MMD2: variants seen among roughly 807,000 people sequenced by gnomAD.
The protein encoded by MMD2 is monocyte to macrophage differentiation factor 2.
Under a neutral mutation model 33.5 loss-of-function variants are expected in MMD2, and 30 were observed. That is an observed-to-expected ratio of 0.90 (90% CI 0.67 to 1.22). The LOEUF (loss-of-function observed/expected upper bound fraction) is 1.22. Among genes scored for constraint, MMD2 ranks in the 50% most tolerant of loss-of-function variants. MMD2 has a pLI of 0.00. For missense variants in MMD2, 364 were observed against 325.4 expected (o/e 1.12, Z -0.91); for synonymous variants, 129 against 123.0 (o/e 1.05, Z -0.32).
intron 2 of MMD2, among the ~76,000 whole-genome samples, chr7:4,924,173 C>T (rs538539289): frequency 1.3e-5 from 2 of 151,484 alleles, no homozygotes; most frequent in Non-Finnish European, 2.9e-5. Context: ...GCCTGGGGAA[C>T]AGAGCGAGAC....
rs975018087 is a variant in MMD2, at chr7:4,940,198, C to T, written c.48-14666G>A. Among the ~76,000 whole-genome samples the T allele has an allele frequency of 6.6e-6, 1 of 152,126 alleles. No individual in the cohort carries two copies. The highest frequency in any genetic ancestry group is 6.6e-5 in the Admixed American group (1 of 15,262). ...CATGTTGAGCATCCTGACCTGGGTG[C>T]AGGGTCCGGCACACCCCAGCTCCCC... On this transcript the variant is annotated intron_variant, in intron 1 of 6. Transcript: ENST00000401401. The surrounding 1 kb of genome is among the most constrained non-coding windows in gnomAD (Gnocchi z 5.0).
At chr7:4,912,642 T>C (rs1198460690) in intron 4 of MMD2, among the ~76,000 whole-genome samples, 3 of 151,860 alleles carry the variant, frequency 2.0e-5, no homozygotes, top group Non-Finnish European at 4.4e-5. Flanking sequence ...TGGAAAGGTG[T>C]AGTTAACAAT....
chr7:4,952,262 C>G (rs73328934), intron 1 of MMD2, among the ~76,000 whole-genome samples: 3,212 of 152,310 alleles, frequency 0.021, 125 homozygotes, highest in African/African-American at 0.074. Flanking sequence ...CTGAAGGATC[C>G]TAAAAGGCCC....
At chr7:4,910,659 T>A (rs4720442) in intron 5 of MMD2, among the ~76,000 whole-genome samples, 7 of 151,708 alleles carry the variant, frequency 4.6e-5, no homozygotes, top group Admixed American at 1.3e-4. Context: ...GACAGAGTCT[T>A]GCTCTGTCGC....
intron 3 of MMD2, among the ~76,000 whole-genome samples, chr7:4,917,356 T>C (rs768543939): frequency 6.6e-6 from 1 of 152,076 alleles, no homozygotes; most frequent in African/African-American, 2.4e-5. Context: ...ACATAGTAAG[T>C]GCTCAATAAA....
chr7:4,898,710 C>T, the MMD2 span, among the ~76,000 whole-genome samples: 4 of 152,232 alleles, frequency 2.6e-5, no homozygotes, highest in East Asian at 5.8e-4. Flanking sequence ...GACCAGCTGG[C>T]CAACATGGCG....
At chr7:4,927,487 G>A (rs931546511) in intron 1 of MMD2, among the ~76,000 whole-genome samples, 1 of 152,058 alleles carries the variant, frequency 6.6e-6, no homozygotes, top group Admixed American at 6.6e-5. Flanking sequence ...GTTGCAGTGA[G>A]CCAAGATCGT....
At chr7:4,945,185 T>TTTCTTCTCCTTCTTCTTCTTCTTCTTC (rs1786026006) in intron 1 of MMD2, among the ~76,000 whole-genome samples, 1 of 93,480 alleles carries the variant, frequency 1.1e-5, no homozygotes, top group South Asian at 5.2e-4. Flanking sequence ...CCTCTTCCTC[T>TTTCTTCTCCTTCTTCTTCTTCTTCTTC]TTCTTCTTCT....
In MMD2 at chr7:4,907,359, T is replaced by G; in HGVS notation, c.*37A>C. On this transcript the variant is annotated 3_prime_UTR_variant, in exon 7 of 7. Transcript: ENST00000401401. ...TAACGTTCACAGAAACGTGCTCCAC[T>G]CCTAAAGCCCAAACGACCTCTCAAG... 1 of 1,606,114 alleles carries G rather than the reference T, an allele frequency of 6.2e-7. No individual in the cohort carries two copies. The highest frequency in any genetic ancestry group is 8.5e-7 in the Non-Finnish European group (1 of 1,173,996).
At chr7:4,926,652 C>T (rs951666119) in intron 1 of MMD2, among the ~76,000 whole-genome samples, 16 of 152,308 alleles carry the variant, frequency 1.1e-4, no homozygotes, top group African/African-American at 3.8e-4. Flanking sequence ...TCCCGCAGAA[C>T]ACGCTGTTTT....
At chr7:4,898,258 T>C in the MMD2 span, among the ~76,000 whole-genome samples, 1 of 152,160 alleles carries the variant, frequency 6.6e-6, no homozygotes, top group African/African-American at 2.4e-5. Flanking sequence ...TCTTTCTCCT[T>C]ACCTGTCCCC....
chr7:4,955,027 C>T (rs1786346706), intron 1 of MMD2, among the ~76,000 whole-genome samples: 1 of 152,064 alleles, frequency 6.6e-6, no homozygotes, highest in African/African-American at 2.4e-5. Context: ...AATAAAATGC[C>T]TTTTAAAAAG....
chr7:4,906,459 T>A lies in MMD2; in HGVS notation c.*937A>T, dbSNP rs997046652. On this transcript the variant is annotated 3_prime_UTR_variant, in exon 7 of 7. Coordinates refer to ENST00000401401, the MANE Select transcript of MMD2 (RefSeq NM_198403.4). ...AAATGTTGGCATCACAAACCTTAAG[T>A]ATGGAGCAGGGAGCAAGTGCCTGGG... The A allele has an allele frequency of 4.3e-5, 17 of 398,492 alleles. No individual in the cohort carries two copies. Among genetic ancestry groups the A allele is most frequent in the South Asian group, 1.3e-4 (1 of 7,858 alleles). The allele number at this position is 398,492 out of a possible 1,614,324, so 24.7% of individuals were successfully genotyped here.
chr7:4,926,846 G>A (rs11766950), intron 1 of MMD2, among the ~76,000 whole-genome samples: 23,491 of 151,888 alleles, frequency 0.15, 2,366 homozygotes, highest in Non-Finnish European at 0.24. Context: ...CTGGGTTCAC[G>A]CCATTCTCCT....
chr7:4,937,715 C>G (rs13243238), intron 1 of MMD2, among the ~76,000 whole-genome samples: 19,509 of 151,996 alleles, frequency 0.13, 1,474 homozygotes, highest in East Asian at 0.32. Flanking sequence ...GCCATGTTGC[C>G]CAGGCTGGTC....
In MMD2 at chr7:4,930,113, C is replaced by A. The variant is rs180805301; in HGVS notation, c.48-4581G>T. 1.7e-3 allele frequency among the ~76,000 whole-genome samples: 261 copies of A among 149,398 alleles called. 1 individual carries two copies. Among genetic ancestry groups the A allele is most frequent in the African/African-American group, 5.9e-3 (239 of 40,734 alleles). ...TGAAACCCCATCTCTACTAAAAATA[C>A]AAAAAAAATAGCTGAGTGTGGTGGC... is the stretch of plus-strand genomic sequence containing the variant. On this transcript the variant is annotated intron_variant, in intron 1 of 6. Coordinates refer to ENST00000401401, the MANE Select transcript of MMD2 (RefSeq NM_198403.4).
intron 3 of MMD2, 143 bp from the exon 4 acceptor site, chr7:4,916,222 C>A (rs931702574): frequency 3.0e-6 from 2 of 663,394 alleles, no homozygotes; most frequent in African/African-American, 3.6e-5. Flanking sequence ...CCCCTTGGCC[C>A]TCAGAATCCC....
intron 1 of MMD2, among the ~76,000 whole-genome samples, chr7:4,953,397 T>C (rs1038965565): frequency 4.7e-5 from 7 of 149,714 alleles, no homozygotes; most frequent in African/African-American, 1.7e-4. Context: ...TAAAACCCAA[T>C]TCCAATTCTT....
chr7:4,917,920 G>A (rs1645472136), intron 3 of MMD2, among the ~76,000 whole-genome samples: 2 of 152,244 alleles, frequency 1.3e-5, no homozygotes, highest in South Asian at 2.1e-4. Context: ...GGACATTGCA[G>A]AAATGATGGT....
Sources: gnomAD v4.1 joint callset for allele counts (sites outside exome capture counted in the v4.1 genomes callset) on GRCh38, gnomAD v4.1.1 for gene constraint, Gnocchi (gnomAD v3.1) non-coding constraint, MANE v1.5 for transcripts, NCBI Gene and HGNC (gene_info 2026-07-23, HGNC 2026-07-21) for gene names.